The following RASGRF2 variants were observed in gnomAD, a reference collection of about 807,000 sequenced individuals.
RASGRF2 encodes ras-specific guanine nucleotide-releasing factor 2.
A neutral mutation model predicts 151.0 loss-of-function variants in RASGRF2; 76 were observed. The ratio of observed to expected loss-of-function variants is 0.50; its 90% confidence interval spans 0.42 to 0.61. The LOEUF (loss-of-function observed/expected upper bound fraction) is 0.61, where lower values mean the gene tolerates loss of function less well. RASGRF2 is among the 20% of genes least tolerant of loss of function. The pLI is 0.00. For missense variants in RASGRF2, 1,148 were observed against 1,564.6 expected, an observed-to-expected ratio of 0.73 and a Z score of 4.49; for synonymous variants, 504 against 566.5, an observed-to-expected ratio of 0.89 and a Z score of 1.57.
In RASGRF2 at chr5:81,117,579, A is replaced by G. The variant is rs544674108; in HGVS notation, c.2470+3659A>G. Among the ~76,000 whole-genome samples, 206 of 152,330 alleles carry G rather than the reference A, an allele frequency of 1.4e-3. 1 individual carries two copies. Among genetic ancestry groups the G allele is most frequent in the Non-Finnish European group, 2.0e-3 (138 of 68,016 alleles). ...ATGGGAACTTTGGGGGAAACATTCA[A>G]ACCATAACACTCTGTCCCTTTTCCC... On this transcript the variant is annotated intron_variant, in intron 15 of 26. Transcript: ENST00000265080.
chr5:80,975,246 C>T (rs932287354), intron 1 of RASGRF2, among the ~76,000 whole-genome samples: 1 of 152,046 alleles, frequency 6.6e-6, no homozygotes, highest in South Asian at 2.1e-4. Context: ...GTGAACCTCC[C>T]TCCTCTCAGG....
At chr5:80,998,950 C>G (rs1414924350) in intron 1 of RASGRF2, among the ~76,000 whole-genome samples, 1 of 152,182 alleles carries the variant, frequency 6.6e-6, no homozygotes, top group African/African-American at 2.4e-5. Flanking sequence ...TTGGCCTTTT[C>G]CACTTGGGTA....
At chr5:81,076,080 C>T (rs113942225) in intron 5 of RASGRF2, among the ~76,000 whole-genome samples, 122 of 152,260 alleles carry the variant, frequency 8.0e-4, no homozygotes, top group African/African-American at 2.8e-3. Context: ...TGAGCAATAA[C>T]TTAGAATTGA....
chr5:81,177,264 A>AT (rs967574315), intron 17 of RASGRF2, among the ~76,000 whole-genome samples: 2 of 151,956 alleles, frequency 1.3e-5, no homozygotes, highest in Non-Finnish European at 1.5e-5. Context: ...ATAACAAAAG[A>AT]TTTTTTTTCC....
intron 18 of RASGRF2, among the ~76,000 whole-genome samples, chr5:81,183,793 G>A (rs1476520285): frequency 6.6e-6 from 1 of 152,166 alleles, no homozygotes; most frequent in African/African-American, 2.4e-5. Context: ...CTCTTCGGGT[G>A]TTAGTTTCCT....
chr5:80,978,365 G>T (rs1338353729), intron 1 of RASGRF2, among the ~76,000 whole-genome samples: 1 of 152,080 alleles, frequency 6.6e-6, no homozygotes, highest in Non-Finnish European at 1.5e-5. Context: ...AAATCACAGA[G>T]AACTATATGA....
At chr5:81,122,805 G>A (rs749360325) in intron 15 of RASGRF2, among the ~76,000 whole-genome samples, 1 of 152,052 alleles carries the variant, frequency 6.6e-6, no homozygotes, top group East Asian at 1.9e-4. Flanking sequence ...CAGTGGGAGG[G>A]GCATAGAAAC....
intron 1 of RASGRF2, among the ~76,000 whole-genome samples, chr5:81,004,842 G>A (rs1287442942): frequency 6.6e-6 from 1 of 152,184 alleles, no homozygotes; most frequent in Non-Finnish European, 1.5e-5. Flanking sequence ...AATCTATGTA[G>A]CTGATTGTTC....
chr5:81,027,874 G>A (rs1227380103), intron 1 of RASGRF2, among the ~76,000 whole-genome samples: 1 of 152,206 alleles, frequency 6.6e-6, no homozygotes, highest in Admixed American at 6.5e-5. Flanking sequence ...CACACTCAGA[G>A]AACTTGAACT....
intron 1 of RASGRF2, among the ~76,000 whole-genome samples, chr5:81,003,279 A>C (rs374001964): frequency 6.9e-6 from 1 of 145,618 alleles, no homozygotes; most frequent in Non-Finnish European, 1.5e-5. Flanking sequence ...CTGGAGTGCA[A>C]TGGCGCGATC....
At chr5:81,155,408 A>G (rs2112628034) in intron 17 of RASGRF2, among the ~76,000 whole-genome samples, 1 of 152,304 alleles carries the variant, frequency 6.6e-6, no homozygotes, top group East Asian at 1.9e-4. Flanking sequence ...TAAAAAGCCA[A>G]AAGTGCTGCT....
rs1210906778 is a variant in RASGRF2 at position 81,225,808 on chromosome 5, G to C, written c.*38G>C. ...GCCCCTGAGTCCACGGGATGTTCATGGAAAGCAGGACAGACAGAATTGTGT... is the reference window on the plus strand; with the variant it reads ...GCCCCTGAGTCCACGGGATGTTCATCGAAAGCAGGACAGACAGAATTGTGT... On this transcript the variant is annotated 3_prime_UTR_variant, in exon 27 of 27. Coordinates refer to ENST00000265080, the MANE Select transcript of RASGRF2 (RefSeq NM_006909.3). 1 of 1,600,878 alleles carries C rather than the reference G, an allele frequency of 6.2e-7. No homozygotes were observed. Among genetic ancestry groups the C allele is most frequent in the African/African-American group, 1.3e-5 (1 of 74,250 alleles).
At chr5:81,099,907 CTTT>C (rs577876645) in intron 12 of RASGRF2, among the ~76,000 whole-genome samples, 1 of 125,034 alleles carries the variant, frequency 8.0e-6, no homozygotes. Context: ...TTTCTTTTTT[CTTT>C]TTTTTTTTTT....
intron 17 of RASGRF2, among the ~76,000 whole-genome samples, chr5:81,164,349 C>T (rs1361337912): frequency 6.6e-6 from 1 of 151,836 alleles, no homozygotes. Flanking sequence ...CATAGGACCT[C>T]AAGTCCAAGA....
intron 1 of RASGRF2, among the ~76,000 whole-genome samples, chr5:81,005,941 C>A (rs1417567924): frequency 6.6e-6 from 1 of 152,148 alleles, no homozygotes; most frequent in Non-Finnish European, 1.5e-5. Context: ...CACTCTGTTT[C>A]CTCAGCTGTA....
chr5:81,148,857 A>G (rs543965159), intron 17 of RASGRF2, among the ~76,000 whole-genome samples: 58 of 151,944 alleles, frequency 3.8e-4, no homozygotes, highest in Middle Eastern at 3.4e-3. Flanking sequence ...AGAAGAAGAT[A>G]TACAATCAAC....
intron 17 of RASGRF2, among the ~76,000 whole-genome samples, chr5:81,138,204 C>T (rs545579829): frequency 6.6e-6 from 1 of 152,164 alleles, no homozygotes; most frequent in African/African-American, 2.4e-5. Flanking sequence ...TCCAATGAAA[C>T]CTTAGTGTTT....
At chr5:81,145,339 G>C (rs1025503826) in intron 17 of RASGRF2, among the ~76,000 whole-genome samples, 18 of 152,140 alleles carry the variant, frequency 1.2e-4, no homozygotes, top group Non-Finnish European at 2.4e-4. Context: ...CTTGTTATTT[G>C]GGTTTCTGTA....
At chr5:81,024,952 T>C (rs186280287) in intron 1 of RASGRF2, among the ~76,000 whole-genome samples, 3 of 152,332 alleles carry the variant, frequency 2.0e-5, no homozygotes, top group Admixed American at 2.0e-4. Flanking sequence ...CCTCACCAGC[T>C]TCCTGGGCTG....
Sources: gnomAD v4.1 joint callset for allele counts (sites outside exome capture counted in the v4.1 genomes callset) on GRCh38, gnomAD v4.1.1 for gene constraint, MANE v1.5 for transcripts, NCBI Gene and HGNC (gene_info 2026-07-23, HGNC 2026-07-21) for gene names.